The following SLC16A2 variants were observed in gnomAD, a reference collection of about 807,000 sequenced individuals.
The protein encoded by SLC16A2 is solute carrier family 16 member 2.
SLC16A2 carries 3 observed loss-of-function variants against 27.2 expected under a neutral mutation model. The ratio of observed to expected loss-of-function variants is 0.11; its 90% CI spans 0.05 to 0.28. The LOEUF is 0.28. Ranked by LOEUF, SLC16A2 falls within the 10% of genes least tolerant of loss-of-function variation. The pLI is 1.00. For synonymous variants in SLC16A2, 202 were observed against 187.8 expected (o/e 1.08, Z -0.62); for missense variants, 295 against 458.5 (o/e 0.64, Z 3.26).
At chrX:74,531,298 A>C (rs770027210) in intron 5 of SLC16A2, 35 bp from the exon 6 acceptor site, 1 of 1,157,556 alleles carries the variant, frequency 8.6e-7, no homozygotes, top group East Asian at 3.0e-5. Context: ...AGTAGGGCAA[A>C]GCTGAGCTTG....
At chrX:74,473,586 G>C in intron 1 of SLC16A2, 1 of 826,879 alleles carries the variant, frequency 1.2e-6, no homozygotes, top group Non-Finnish European at 1.8e-6. Flanking sequence ...TAATCTCTTA[G>C]TTGATGTTCT....
chrX:74,441,143 C>T (rs1472854773), intron 1 of SLC16A2, among the ~76,000 whole-genome samples: 1 of 110,404 alleles, frequency 9.1e-6, no homozygotes, highest in African/African-American at 3.3e-5. Flanking sequence ...CGGCAAGCTC[C>T]GCCTCCCCGG....
At position 74,428,937 on chromosome X, in the gene SLC16A2, G is replaced by C. The variant is rs193237109; in HGVS notation, c.430+6870G>C. ...CTGAACTTCCAGAGATTTCATACTG[G>C]TTTTTGGTAGCTTCCGTGTTTCTGG... On this transcript the variant is annotated intron_variant, in intron 1 of 5. Coordinates refer to ENST00000587091, the MANE Select transcript of SLC16A2 (RefSeq NM_006517.5). Among the ~76,000 whole-genome samples the C allele has an allele frequency of 2.7e-5, 3 of 111,569 alleles. No homozygotes were observed. In the East Asian group the frequency reaches 8.5e-4, roughly 31 times the overall value.
intron 1 of SLC16A2, among the ~76,000 whole-genome samples, chrX:74,461,407 AGT>A (rs140818072): frequency 0.036 from 3,706 of 103,642 alleles, 161 homozygotes; most frequent in African/African-American, 0.12. Flanking sequence ...AGAGAGAGAG[AGT>A]GTGTGTGTGT....
At chrX:74,531,280 C>T in intron 5 of SLC16A2, 53 bp from the exon 6 acceptor site, 5 of 1,083,310 alleles carry the variant, frequency 4.6e-6, no homozygotes, top group Non-Finnish European at 6.4e-6. Flanking sequence ...CTGAGAGTAC[C>T]TTTGGACAGT....
chrX:74,495,199 T>C (rs5937282), intron 1 of SLC16A2, among the ~76,000 whole-genome samples: 58,314 of 110,410 alleles, frequency 0.53, 13,415 homozygotes, highest in Non-Finnish European at 0.73. Flanking sequence ...TCTGTGTGTG[T>C]GTGTGTGGCA....
At chrX:74,440,751 A>C (rs1288592241) in intron 1 of SLC16A2, among the ~76,000 whole-genome samples, 1 of 108,801 alleles carries the variant, frequency 9.2e-6, no homozygotes, top group African/African-American at 3.4e-5. Context: ...GCATGCATGT[A>C]GGTGTGGATG....
At chrX:74,466,703 A>G (rs1376904670) in intron 1 of SLC16A2, among the ~76,000 whole-genome samples, 1 of 111,905 alleles carries the variant, frequency 8.9e-6, no homozygotes, top group Non-Finnish European at 1.9e-5. Flanking sequence ...GATTCTGTGT[A>G]GGGTCTGCTG....
chrX:74,452,454 T>C (rs955314731), intron 1 of SLC16A2, among the ~76,000 whole-genome samples: 1 of 111,666 alleles, frequency 9.0e-6, no homozygotes, highest in African/African-American at 3.3e-5. Flanking sequence ...ATGTCCATTA[T>C]AACCCATGAA....
intron 1 of SLC16A2, among the ~76,000 whole-genome samples, chrX:74,478,496 T>C (rs1381195269): frequency 8.9e-6 from 1 of 111,984 alleles, no homozygotes; most frequent in Non-Finnish European, 1.9e-5. Context: ...AAAGTTAATA[T>C]TGTTATGTGT....
At chrX:74,487,683 A>G (rs1929746523) in intron 1 of SLC16A2, among the ~76,000 whole-genome samples, 2 of 112,107 alleles carry the variant, frequency 1.8e-5, no homozygotes, top group African/African-American at 6.5e-5. Context: ...TACAAAATGG[A>G]ACAATCCCTT....
intron 1 of SLC16A2, among the ~76,000 whole-genome samples, chrX:74,458,994 C>T (rs1485109280): frequency 9.2e-6 from 1 of 108,230 alleles, no homozygotes; most frequent in Non-Finnish European, 1.9e-5. Flanking sequence ...GTTGTGTGGG[C>T]TTTAAAATGT....
At chrX:74,436,580 T>C (rs11093451) in intron 1 of SLC16A2, among the ~76,000 whole-genome samples, 33,885 of 111,092 alleles carry the variant, frequency 0.31, 4,284 homozygotes, top group African/African-American at 0.48. Flanking sequence ...TGAGTTGATA[T>C]CTATGTCTAT....
intron 1 of SLC16A2, among the ~76,000 whole-genome samples, chrX:74,441,494 A>G (rs1039370516): frequency 1.8e-5 from 2 of 112,316 alleles, no homozygotes; most frequent in East Asian, 5.6e-4. Flanking sequence ...AGGTTTCTGC[A>G]AACAATGGGT....
intron 1 of SLC16A2, among the ~76,000 whole-genome samples, chrX:74,476,036 A>G (rs1432609353): frequency 3.6e-5 from 4 of 111,288 alleles, no homozygotes; most frequent in Admixed American, 9.6e-5. Context: ...TGGTAGCTTG[A>G]TGGGGATGGC....
intron 1 of SLC16A2, among the ~76,000 whole-genome samples, chrX:74,487,455 A>T (rs2147858346): frequency 9.0e-6 from 1 of 111,696 alleles, no homozygotes; most frequent in African/African-American, 3.2e-5. Flanking sequence ...AGTGGCATTT[A>T]TCTGGCCCAC....
chrX:74,499,141 A>G (rs1929985654), intron 1 of SLC16A2, among the ~76,000 whole-genome samples: 1 of 112,164 alleles, frequency 8.9e-6, no homozygotes, highest in African/African-American at 3.2e-5. Flanking sequence ...TCATTGCTAC[A>G]CCTGCATAGC....
At chrX:74,511,524 A>G (rs1930234344) in intron 1 of SLC16A2, among the ~76,000 whole-genome samples, 1 of 112,470 alleles carries the variant, frequency 8.9e-6, no homozygotes, top group Admixed American at 9.4e-5. Flanking sequence ...AATGTTTCCT[A>G]GTATTGCTGT....
At chrX:74,459,028 G>A (rs944158673) in intron 1 of SLC16A2, among the ~76,000 whole-genome samples, 5 of 106,592 alleles carry the variant, frequency 4.7e-5, no homozygotes, top group Non-Finnish European at 9.6e-5. Flanking sequence ...GAGCAATAAA[G>A]AAATCCCTTT....
Sources: gnomAD v4.1 joint callset for allele counts (sites outside exome capture counted in the v4.1 genomes callset) on GRCh38, gnomAD v4.1.1 for gene constraint, MANE v1.5 for transcripts, NCBI Gene and HGNC (gene_info 2026-07-23, HGNC 2026-07-21) for gene names.